Variants in PBX4 observed in about 807,000 individuals in gnomAD.
PBX4 encodes PBX homeobox 4.
PBX4 carries 26 observed loss-of-function variants against 35.1 expected under a neutral mutation model. The observed-to-expected ratio is 0.74, with a 90% CI of 0.54 to 1.03. The LOEUF (loss-of-function observed/expected upper bound fraction) is 1.03, where lower values mean the gene tolerates loss of function less well. Ranked by LOEUF, PBX4 falls within the 50% of genes least tolerant of loss-of-function variation. The pLI, the probability that PBX4 is intolerant of heterozygous loss-of-function variation, is 0.00. For missense variants in PBX4, 448 were observed against 504.3 expected (o/e 0.89, Z 1.07); for synonymous variants, 199 against 204.2 (o/e 0.97, Z 0.22).
rs1206190369 is a variant in PBX4, at chr19:19,567,038, A to C, written c.769-1949T>G. Among the ~76,000 whole-genome samples the C allele has an allele frequency of 3.3e-5, 5 of 152,122 alleles. No homozygotes were observed. The East Asian group carries it at 9.6e-4, about 29-fold the overall frequency. On this transcript the variant is annotated intron_variant, in intron 5 of 7. Coordinates refer to ENST00000251203, the MANE Select transcript of PBX4 (RefSeq NM_025245.3). ...TTTGGTGTACTTACATTATCCTTGC[A>C]ATGTTAAGTATAAAAAGAAGGATCC...
intron 2 of PBX4, among the ~76,000 whole-genome samples, 157 bp downstream of exon 2, chr19:19,599,135 A>T (rs1470132606): frequency 6.6e-6 from 1 of 151,826 alleles, no homozygotes; most frequent in African/African-American, 2.4e-5. Flanking sequence ...CGCCTGGCTA[A>T]TTTTTGTATT....
intron 1 of PBX4, among the ~76,000 whole-genome samples, chr19:19,605,571 A>G (rs1009424460): frequency 1.3e-5 from 2 of 151,810 alleles, no homozygotes; most frequent in African/African-American, 2.4e-5. Context: ...GGCTGCAGTG[A>G]GCTGTGATCA....
intron 2 of PBX4, among the ~76,000 whole-genome samples, chr19:19,581,293 G>C (rs1051213801): frequency 6.6e-6 from 1 of 152,094 alleles, no homozygotes; most frequent in Admixed American, 6.6e-5. Context: ...CACCATGCTG[G>C]GGTGGCCAAA....
At chr19:19,601,580 T>G (rs1265441777) in intron 1 of PBX4, among the ~76,000 whole-genome samples, 3 of 152,166 alleles carry the variant, frequency 2.0e-5, no homozygotes, top group African/African-American at 7.2e-5. Flanking sequence ...GACCTTGAGA[T>G]GGAGAGATTA....
intron 1 of PBX4, among the ~76,000 whole-genome samples, chr19:19,615,422 A>G (rs1346708075): frequency 2.0e-5 from 3 of 152,162 alleles, no homozygotes; most frequent in Non-Finnish European, 4.4e-5. Context: ...TGAAACTACA[A>G]AAAGTGTCAA....
At chr19:19,599,507 A>G (rs1272732733) in intron 1 of PBX4, 142 bp from the exon 2 acceptor site, 2 of 681,750 alleles carry the variant, frequency 2.9e-6, no homozygotes, top group Non-Finnish European at 2.6e-6. Flanking sequence ...ATGAAAATGC[A>G]GTACAATCAT....
At chr19:19,608,179 C>G (rs965775987) in intron 1 of PBX4, 1 of 152,146 alleles carries the variant, frequency 6.6e-6, no homozygotes, top group African/African-American at 2.4e-5. Flanking sequence ...ATGGTGAAAC[C>G]TCGTCTCTAC....
rs113939004 is a variant in PBX4, at chr19:19,577,656, C to T, written c.194-6823G>A. On this transcript the variant is annotated intron_variant, in intron 2 of 7. Transcript: ENST00000251203. ...TGGGTGGATCTTGAGGTCAAGAGGT[C>T]GAGACCATCCTGGCTGACACGGTGA... Among the ~76,000 whole-genome samples the T allele has an allele frequency of 5.7e-3, 867 of 152,046 alleles. 5 individuals carry two copies. The highest frequency in any genetic ancestry group is 0.018 in the African/African-American group (766 of 41,472).
chr19:19,605,506 G>T (rs2061625499), intron 1 of PBX4, among the ~76,000 whole-genome samples: 1 of 151,392 alleles, frequency 6.6e-6, no homozygotes, highest in South Asian at 2.1e-4. Flanking sequence ...CATGCCTGTA[G>T]TCCCAGCTAC....
chr19:19,618,569 C>A lies in PBX4; in HGVS notation c.61G>T (p.Asp21Tyr), dbSNP rs758112937. 10 of 1,365,486 alleles carry A rather than the reference C, an allele frequency of 7.3e-6. No individual in the cohort carries two copies. Among genetic ancestry groups the A allele is most frequent in the Non-Finnish European group, 9.5e-6 (10 of 1,052,500 alleles). The allele number at this position is 1,365,486 out of a possible 1,614,324, so 84.6% of individuals were successfully genotyped here. ...PPAPRRLDTSDVLQQIMAITD... is the reference protein window; with the variant it reads ...PPAPRRLDTSYVLQQIMAITD... ...ATGGCCATGATCTGCTGCAGGACGT[C>A]GCTCGTGTCGAGGCGCCGCGGGGCG... Residue 21 changes from aspartate (D) to tyrosine (Y), a missense_variant, in exon 1 of 8, where the codon GAC (aspartate) becomes TAC (tyrosine). Physicochemically the swap from Asp to Tyr is radical, Grantham distance 160. Transcript: ENST00000251203.
At chr19:19,571,731 G>A (rs985616897) in intron 2 of PBX4, among the ~76,000 whole-genome samples, 2 of 152,168 alleles carry the variant, frequency 1.3e-5, no homozygotes, top group Non-Finnish European at 2.9e-5. Flanking sequence ...AGGTGGGGCT[G>A]AGTGAAAAGG....
At chr19:19,578,997 A>G (rs971239346) in intron 2 of PBX4, among the ~76,000 whole-genome samples, 9 of 152,082 alleles carry the variant, frequency 5.9e-5, no homozygotes, top group Non-Finnish European at 1.3e-4. Context: ...CCTGGCCAGC[A>G]CCTTCGTCTG....
chr19:19,569,989 A>T, intron 4 of PBX4, 120 bp downstream of exon 4: 1 of 936,098 alleles, frequency 1.1e-6, no homozygotes, highest in Non-Finnish European at 1.5e-6. Context: ...AGAGGCTGTG[A>T]GGCCTCCAAC....
chr19:19,564,841 G>T, intron 6 of PBX4, 92 bp downstream of exon 6: 1 of 1,470,768 alleles, frequency 6.8e-7, no homozygotes, highest in Non-Finnish European at 9.4e-7. Context: ...ACTGGGGGAA[G>T]GGAGATGTGG....
intron 2 of PBX4, among the ~76,000 whole-genome samples, chr19:19,587,653 C>T (rs1599360422): frequency 1.3e-5 from 2 of 148,160 alleles, no homozygotes; most frequent in South Asian, 4.3e-4. Context: ...AGCTTCCCAC[C>T]ACACACCAAA....
intron 2 of PBX4, among the ~76,000 whole-genome samples, chr19:19,596,195 G>A (rs967525514): frequency 4.0e-5 from 6 of 151,724 alleles, no homozygotes; most frequent in African/African-American, 9.7e-5. Context: ...AGTTTGAGAC[G>A]AGTCTGGCCA....
At chr19:19,612,544 T>C (rs999746856) in intron 1 of PBX4, among the ~76,000 whole-genome samples, 3 of 152,206 alleles carry the variant, frequency 2.0e-5, no homozygotes, top group Middle Eastern at 3.4e-3. Flanking sequence ...CCAGCCCAGG[T>C]TGGTAATCTA....
intron 1 of PBX4, among the ~76,000 whole-genome samples, chr19:19,601,712 C>T (rs1319147628): frequency 2.0e-5 from 3 of 152,008 alleles, no homozygotes; most frequent in Non-Finnish European, 4.4e-5. Context: ...ATGTTGCTGG[C>T]CTTGATCATG....
chr19:19,593,016 G>A (rs1446329223), intron 2 of PBX4, among the ~76,000 whole-genome samples: 4 of 152,224 alleles, frequency 2.6e-5, no homozygotes, highest in Non-Finnish European at 4.4e-5. Flanking sequence ...GCCCGAGGCT[G>A]TGCAGGGCTC....
Sources: gnomAD v4.1 joint callset for allele counts (sites outside exome capture counted in the v4.1 genomes callset) on GRCh38, gnomAD v4.1.1 for gene constraint, MANE v1.5 for transcripts, NCBI Gene and HGNC (gene_info 2026-07-23, HGNC 2026-07-21) for gene names.